GPI: variants seen among roughly 807,000 people sequenced by gnomAD.
GPI encodes the protein glucose-6-phosphate isomerase, also known as D-hexose-6-phosphate anomerase.
In GPI, 56 loss-of-function variants were observed where a neutral mutation model predicts 75.8. The ratio of observed to expected loss-of-function variants is 0.74; its 90% confidence interval spans 0.60 to 0.92. GPI has a LOEUF of 0.92. GPI is among the 40% of genes least tolerant of loss of function. GPI has a pLI of 0.00. For synonymous variants in GPI, 288 were observed against 285.4 expected, an observed-to-expected ratio of 1.01 and a Z score of -0.09; for missense variants, 638 against 741.0, an observed-to-expected ratio of 0.86 and a Z score of 1.61.
intron 9 of GPI, among the ~76,000 whole-genome samples, chr19:34,385,055 G>C (rs940824444): frequency 6.7e-5 from 10 of 150,280 alleles, no homozygotes; most frequent in Non-Finnish European, 1.3e-4. Flanking sequence ...AAAAAAAAGC[G>C]GGGGTTGGGT....
At chr19:34,369,887 T>C (rs897239526) in intron 4 of GPI, among the ~76,000 whole-genome samples, 5 of 152,148 alleles carry the variant, frequency 3.3e-5, no homozygotes, top group Non-Finnish European at 7.3e-5. Flanking sequence ...GTGACACCAC[T>C]GCACTGCAGC....
intron 14 of GPI, 59 bp from the exon 15 acceptor site, chr19:34,399,148 G>C: frequency 6.4e-7 from 1 of 1,572,156 alleles, no homozygotes; most frequent in East Asian, 2.3e-5. Context: ...AGGCGGTCTT[G>C]TCCCTCTGCC....
At chr19:34,396,688 G>A in intron 14 of GPI, 31 bp downstream of exon 14, 2 of 1,587,610 alleles carry the variant, frequency 1.3e-6, no homozygotes, top group African/African-American at 1.3e-5. Context: ...CCATCTGGGG[G>A]GTCTGGCTCA....
chr19:34,360,663 C>A (rs1016517347), upstream of GPI, among the ~76,000 whole-genome samples: 1 of 152,186 alleles, frequency 6.6e-6, no homozygotes, highest in Non-Finnish European at 1.5e-5. Flanking sequence ...TCCACTTTCC[C>A]TCCACCTTTT....
rs1226532903 is a variant in GPI, at chr19:34,379,985, GTTTTGT to G, written c.750+428_750+433del. ...TTTTGCCCCCTACTTAGTGTGTGTG[GTTTTGT>G]TTTTTTTTTTTTTTTTTTTTTTTTT... is the stretch of plus-strand genomic sequence containing the variant. On this transcript the variant is annotated intron_variant, in intron 8 of 17. Coordinates refer to ENST00000356487, the MANE Select transcript of GPI (RefSeq NM_000175.5). The G allele has an allele frequency of 3.9e-3, 501 of 127,928 alleles. 29 individuals are homozygous for G. The highest frequency in any genetic ancestry group is 0.018 in the African/African-American group (453 of 25,210). The allele number at this position is 127,928 out of a possible 1,614,324, so 7.9% of individuals were successfully genotyped here.
chr19:34,383,821 T>C (rs867990848), intron 9 of GPI, among the ~76,000 whole-genome samples: 16 of 152,284 alleles, frequency 1.1e-4, no homozygotes, highest in African/African-American at 3.6e-4. Context: ...ACATCAAGGC[T>C]GAGCCAGTCA....
At chr19:34,366,755 AC>A in intron 2 of GPI, 27 bp from the exon 3 acceptor site, 1 of 1,573,732 alleles carries the variant, frequency 6.4e-7, no homozygotes, top group Non-Finnish European at 8.7e-7. Context: ...TGTGGGTGGG[AC>A]CAGGCCTCAG....
upstream of GPI, among the ~76,000 whole-genome samples, chr19:34,362,233 A>G (rs2074305337): frequency 6.6e-6 from 1 of 151,962 alleles, no homozygotes; most frequent in East Asian, 1.9e-4. Context: ...GTTGCAGGGA[A>G]GCAGAGGTTG....
intron 9 of GPI, among the ~76,000 whole-genome samples, chr19:34,381,954 G>T (rs2074660799): frequency 6.6e-6 from 1 of 152,190 alleles, no homozygotes; most frequent in Non-Finnish European, 1.5e-5. Context: ...GAGGAGCTGG[G>T]GGGGTGGCGT....
Position 34,390,717 on chromosome 19 carries a change from G to A in GPI, c.805-2531G>A, listed in dbSNP as rs553865734. ...AGGTAGCACCTGGCACAGGTATGAG[G>A]ATCTGGGTCTTCCCAATGTTTGAGG... On this transcript the variant is annotated intron_variant, in intron 9 of 17. Transcript: ENST00000356487. Among the ~76,000 whole-genome samples the A allele has an allele frequency of 4.6e-5, 7 of 151,772 alleles. No individual in the cohort carries two copies. The South Asian group carries it at 1.5e-3, about 32-fold the overall frequency.
At chr19:34,399,035 CA>C in intron 14 of GPI, 171 bp from the exon 15 acceptor site, 1 of 570,882 alleles carries the variant, frequency 1.8e-6, no homozygotes, top group Non-Finnish European at 3.1e-6. Context: ...GAGCAGTTAT[CA>C]CTGTTCCCTG....
At chr19:34,369,867 G>C (rs1319304818) in intron 4 of GPI, among the ~76,000 whole-genome samples, 1 of 152,186 alleles carries the variant, frequency 6.6e-6, no homozygotes, top group Non-Finnish European at 1.5e-5. Flanking sequence ...TGAGGCTGCA[G>C]TGAGCCATGG....
In GPI at chr19:34,394,141, C is replaced by A. The variant is rs1047551027; in HGVS notation, c.1062+75C>A. 2.7e-6 allele frequency: 3 copies of A among 1,120,278 alleles called. No individual in the cohort carries two copies. The African/African-American group carries it at 4.6e-5, about 17-fold the overall frequency. 69.4% of individuals were successfully genotyped at this position (1,120,278 alleles called of 1,614,324 possible). ...CTGGGAGGTCTAGGAACCTGGGTTT[C>A]AGCTCCTCCAGGAGCTCTTTGCCCC... On this transcript the variant is annotated intron_variant, in intron 12 of 17. Transcript: ENST00000356487.
rs767961668 is a variant in GPI, at chr19:34,396,664, G to C, written c.1269+7G>C. ...GAAGGGTCTGCATCACAAGGTAAGA[G>C]CCCCCATCTGGCCCCATCTGGGGGG... On this transcript the variant is annotated splice_region_variant and intron_variant, in intron 14 of 17. Transcript: ENST00000356487. 6.2e-7 allele frequency: 1 copy of C among 1,612,748 alleles called. No homozygotes were observed. The highest frequency in any genetic ancestry group is 1.7e-5 in the Admixed American group (1 of 60,008).
intron 7 of GPI, 75 bp from the exon 8 acceptor site, chr19:34,379,443 T>G: frequency 1.6e-6 from 2 of 1,266,398 alleles, no homozygotes; most frequent in Non-Finnish European, 2.3e-6. Flanking sequence ...AGGGCCTTGG[T>G]TCCTCTAGTG....
rs1568333127 is a variant in GPI at position 34,377,324 on chromosome 19, A to T, written c.403-179A>T. 1.7e-4 allele frequency among the ~76,000 whole-genome samples: 16 copies of T among 92,762 alleles called. 1 individual carries two copies. Among genetic ancestry groups the T allele is most frequent in the African/African-American group, 5.5e-4 (10 of 18,184 alleles). The allele number at this position is 92,762 out of a possible 152,430, so 60.9% of individuals were successfully genotyped here. On this transcript the variant is annotated intron_variant, in intron 4 of 17. Transcript: ENST00000356487. ...CTCAAAAAAAAAAAAAAAAAAAAAAAAAAAAAAAAAAAATATATATATATA... is the reference window on the plus strand; with the variant it reads ...CTCAAAAAAAAAAAAAAAAAAAAAATAAAAAAAAAAAAATATATATATATA...
intron 9 of GPI, among the ~76,000 whole-genome samples, chr19:34,381,946 G>A (rs538511101): frequency 4.6e-4 from 70 of 152,324 alleles, no homozygotes; most frequent in Non-Finnish European, 7.6e-4. Flanking sequence ...AGCTGCAGGA[G>A]GAGCTGGGGG....
Position 34,366,798 on chromosome 19 carries a change from G to A in GPI, c.229G>A (p.Val77Met), listed in dbSNP as rs201126335. The stretch of plus-strand genomic sequence containing the variant: ...CTCTTCCTAGGCCAAGTCCAGGGGC[G>A]TGGAGGCCGCCCGGGAGCGGATGTT... ...MLVDLAKSRG[V>M]EAARERMFNG... Residue 77 changes from valine (V) to methionine (M), a missense_variant, in exon 3 of 18, where the codon GTG becomes ATG. Physicochemically the swap from Val to Met is conservative, Grantham distance 21 (BLOSUM62 1). Coordinates refer to ENST00000356487, the MANE Select transcript of GPI (RefSeq NM_000175.5). 65 of 1,613,260 alleles carry A rather than the reference G, an allele frequency of 4.0e-5. 1 individual carries two copies. In the East Asian group the frequency reaches 1.1e-3, roughly 28 times the overall value.
At chr19:34,385,156 A>G (rs1351625954) in intron 9 of GPI, among the ~76,000 whole-genome samples, 1 of 152,124 alleles carries the variant, frequency 6.6e-6, no homozygotes, top group East Asian at 1.9e-4. Flanking sequence ...CCTGGCCAAC[A>G]TGGTGACGGG....
Sources: gnomAD v4.1 joint callset for allele counts (sites outside exome capture counted in the v4.1 genomes callset) on GRCh38, gnomAD v4.1.1 for gene constraint, MANE v1.5 for transcripts, NCBI Gene and HGNC (gene_info 2026-07-23, HGNC 2026-07-21) for gene names.